Variants in AK9 observed in about 807,000 individuals in gnomAD.
AK9 encodes adenylate kinase domain containing 1.
Under a neutral mutation model 239.6 loss-of-function variants are expected in AK9, and 191 were observed. That is an observed-to-expected ratio of 0.80 (90% CI 0.71 to 0.90). AK9 has a LOEUF of 0.90. Among genes scored for constraint, AK9 ranks in the 40% least tolerant of loss-of-function variants. The pLI is 0.00. For synonymous variants in AK9, 689 were observed against 721.0 expected, an observed-to-expected ratio of 0.96 and a Z score of 0.71; for missense variants, 1,995 against 2,214.7, an observed-to-expected ratio of 0.90 and a Z score of 1.99.
At chr6:109,559,857 T>C (rs1381114938) in intron 24 of AK9, among the ~76,000 whole-genome samples, 1 of 152,198 alleles carries the variant, frequency 6.6e-6, no homozygotes, top group African/African-American at 2.4e-5. Context: ...CAGAGAGTTT[T>C]ATGGGGCTAC....
chr6:109,661,581 C>T (rs775560340), intron 6 of AK9, among the ~76,000 whole-genome samples: 4 of 152,202 alleles, frequency 2.6e-5, no homozygotes, highest in Non-Finnish European at 1.5e-5. Context: ...TCCACATTCA[C>T]ATGTGTGACA....
At position 109,684,131 on chromosome 6, in the gene AK9, A is replaced by G. The variant is rs530757524; in HGVS notation, c.-12+7016T>C. Among the ~76,000 whole-genome samples the G allele has an allele frequency of 2.0e-5, 3 of 152,342 alleles. No homozygotes were observed. The South Asian group carries it at 6.2e-4, about 32-fold the overall frequency. ...CCATCTGATCTTTGACAAACCTGACACAAAAAGCAATGGGGAAAAGATTCC... is the reference window on the plus strand; with the variant it reads ...CCATCTGATCTTTGACAAACCTGACGCAAAAAGCAATGGGGAAAAGATTCC... On this transcript the variant is annotated intron_variant, in intron 1 of 40. Coordinates refer to ENST00000424296, the MANE Select transcript of AK9 (RefSeq NM_001145128.3).
chr6:109,640,302 T>C (rs4946998), intron 10 of AK9, among the ~76,000 whole-genome samples: 108,571 of 151,972 alleles, frequency 0.71, 39,284 homozygotes, highest in East Asian at 0.99. Context: ...ACAGTATTTG[T>C]GGGGAGTGTC....
chr6:109,644,416 A>T, intron 9 of AK9, 198 bp downstream of exon 9: 1 of 438,368 alleles, frequency 2.3e-6, no homozygotes, highest in Non-Finnish European at 3.9e-6. Flanking sequence ...AAGAGATTTT[A>T]AATTCGAATG....
intron 8 of AK9, among the ~76,000 whole-genome samples, chr6:109,651,825 A>T (rs558582046): frequency 6.6e-6 from 1 of 152,324 alleles, no homozygotes; most frequent in African/African-American, 2.4e-5. Context: ...AAATTCCTGG[A>T]CATATACACC....
chr6:109,632,646 A>T, intron 12 of AK9: 1 of 605,872 alleles, frequency 1.7e-6, no homozygotes, highest in Non-Finnish European at 2.3e-6. Context: ...GAAAGCTAAT[A>T]GGTGGCAGAG....
intron 8 of AK9, among the ~76,000 whole-genome samples, chr6:109,649,700 C>A (rs1039472971): frequency 7.2e-5 from 11 of 152,294 alleles, no homozygotes; most frequent in South Asian, 4.1e-4. Flanking sequence ...CATCAAGCTA[C>A]CAATGACTTT....
chr6:109,617,462 T>C (rs948786275), intron 13 of AK9, among the ~76,000 whole-genome samples: 29 of 151,994 alleles, frequency 1.9e-4, no homozygotes, highest in Non-Finnish European at 2.6e-4. Flanking sequence ...AAGTTTACTA[T>C]AAATATCAAT....
At chr6:109,602,678 G>T (rs1044505350) in intron 17 of AK9, among the ~76,000 whole-genome samples, 26 of 152,136 alleles carry the variant, frequency 1.7e-4, no homozygotes, top group African/African-American at 6.0e-4. Flanking sequence ...TTCCAACTTG[G>T]TTCCATTCTC....
intron 19 of AK9, among the ~76,000 whole-genome samples, chr6:109,584,690 C>T (rs1430157672): frequency 6.6e-6 from 1 of 152,020 alleles, no homozygotes; most frequent in Non-Finnish European, 1.5e-5. Flanking sequence ...AATAATTAGC[C>T]TGGTCTTTCC....
chr6:109,640,696 C>T (rs180955375), intron 10 of AK9, among the ~76,000 whole-genome samples: 3 of 151,972 alleles, frequency 2.0e-5, no homozygotes, highest in African/African-American at 7.2e-5. Context: ...GGATACTGTG[C>T]CCAGTCCTGG....
At chr6:109,549,428 A>G (rs1215197753) in intron 25 of AK9, among the ~76,000 whole-genome samples, 3 of 152,172 alleles carry the variant, frequency 2.0e-5, no homozygotes. Flanking sequence ...AAAATCCTGT[A>G]AAAGACCATC....
At chr6:109,595,252 A>T (rs1790863529) in intron 17 of AK9, among the ~76,000 whole-genome samples, 1 of 152,260 alleles carries the variant, frequency 6.6e-6, no homozygotes, top group Non-Finnish European at 1.5e-5. Context: ...AACATACGAA[A>T]AAAAGCTTGT....
chr6:109,651,348 T>A (rs1798916281), intron 8 of AK9, among the ~76,000 whole-genome samples: 1 of 151,442 alleles, frequency 6.6e-6, no homozygotes, highest in Non-Finnish European at 1.5e-5. Context: ...AAGGCAGAAA[T>A]AAAGATGTTC....
intron 1 of AK9, among the ~76,000 whole-genome samples, chr6:109,676,219 T>G (rs985182474): frequency 6.6e-6 from 1 of 152,126 alleles, no homozygotes; most frequent in African/African-American, 2.4e-5. Context: ...AGTAATGTCA[T>G]TTTTACATTT....
chr6:109,499,386 A>G, intron 35 of AK9, 146 bp from the exon 36 acceptor site: 1 of 545,954 alleles, frequency 1.8e-6, no homozygotes, highest in Non-Finnish European at 2.8e-6. Flanking sequence ...AAAAGTTACT[A>G]TTCACATCTC....
At chr6:109,531,585 G>A (rs188038275) in intron 28 of AK9, among the ~76,000 whole-genome samples, 9 of 152,222 alleles carry the variant, frequency 5.9e-5, no homozygotes, top group Non-Finnish European at 8.8e-5. Flanking sequence ...CATTTTAAGT[G>A]CTCAACAGCC....
intron 29 of AK9, among the ~76,000 whole-genome samples, chr6:109,517,964 A>T (rs1359137131): frequency 6.6e-6 from 1 of 151,990 alleles, no homozygotes; most frequent in African/African-American, 2.4e-5. Context: ...CCAGGATGAG[A>T]GTCCTGGGTG....
chr6:109,667,819 T>A (rs1356572216), intron 5 of AK9, among the ~76,000 whole-genome samples: 2 of 152,228 alleles, frequency 1.3e-5, no homozygotes, highest in Admixed American at 1.3e-4. Flanking sequence ...ACATCTGGGT[T>A]GGTTCCAAGT....
Sources: gnomAD v4.1 joint callset for allele counts (sites outside exome capture counted in the v4.1 genomes callset) on GRCh38, gnomAD v4.1.1 for gene constraint, MANE v1.5 for transcripts, NCBI Gene and HGNC (gene_info 2026-07-23, HGNC 2026-07-21) for gene names.